ADGRB3: variants seen among roughly 807,000 people sequenced by gnomAD.
ADGRB3 encodes brain-specific angiogenesis inhibitor 3.
ADGRB3 carries 37 observed loss-of-function variants against 193.4 expected under a neutral mutation model. That is an observed-to-expected ratio of 0.19 (90% CI 0.15 to 0.25). The LOEUF is 0.25. Ranked by LOEUF, ADGRB3 falls within the 10% of genes least tolerant of loss-of-function variation. ADGRB3 has a pLI of 1.00. For synonymous variants in ADGRB3, 690 were observed against 644.2 expected (o/e 1.07, Z -1.08); for missense variants, 1,637 against 1,852.9 (o/e 0.88, Z 2.14).
At chr6:69,199,127 TG>T (rs1264794688) in intron 17 of ADGRB3, among the ~76,000 whole-genome samples, 1 of 152,022 alleles carries the variant, frequency 6.6e-6, no homozygotes, top group African/African-American at 2.4e-5. Flanking sequence ...ATCTCTAGAG[TG>T]GATAAACTTA....
At chr6:68,817,881 T>G (rs1192579094) in intron 3 of ADGRB3, among the ~76,000 whole-genome samples, 1 of 152,158 alleles carries the variant, frequency 6.6e-6, no homozygotes, top group African/African-American at 2.4e-5. Context: ...AGCTTCTTGC[T>G]CATTTCTGTA....
At chr6:68,887,311 T>G (rs1264285540) in intron 3 of ADGRB3, among the ~76,000 whole-genome samples, 2 of 152,062 alleles carry the variant, frequency 1.3e-5, no homozygotes, top group African/African-American at 4.8e-5. Flanking sequence ...ATCCTTGCAG[T>G]CTATTAGCTA....
At chr6:68,915,716 G>A (rs1164503704) in intron 3 of ADGRB3, among the ~76,000 whole-genome samples, 1 of 152,110 alleles carries the variant, frequency 6.6e-6, no homozygotes, top group African/African-American at 2.4e-5. Context: ...CAGTGGCCTG[G>A]GAAACAGTGA....
At chr6:68,751,522 AATT>A (rs1041880665) in intron 3 of ADGRB3, among the ~76,000 whole-genome samples, 5 of 152,180 alleles carry the variant, frequency 3.3e-5, no homozygotes, top group African/African-American at 1.2e-4. Flanking sequence ...TCTATTTAAA[AATT>A]ATTATTATGC....
intron 8 of ADGRB3, among the ~76,000 whole-genome samples, chr6:68,958,872 T>A (rs62418278): frequency 0.015 from 441 of 28,902 alleles, 4 homozygotes; most frequent in African/African-American, 0.045. Flanking sequence ...AGAAAAATAG[T>A]GTGTGTGTGT....
intron 17 of ADGRB3, among the ~76,000 whole-genome samples, chr6:69,122,027 G>GAGGCGCTCCTCACTTCCC (rs1773713805): frequency 6.6e-6 from 1 of 151,732 alleles, no homozygotes; most frequent in Admixed American, 6.6e-5. Context: ...CAGCCAGGCA[G>GAGGCGCTCCTCACTTCCC]AGACACTCCC....
chr6:68,813,406 G>T (rs1290303665), intron 3 of ADGRB3, among the ~76,000 whole-genome samples: 2 of 152,108 alleles, frequency 1.3e-5, no homozygotes, highest in Non-Finnish European at 2.9e-5. Flanking sequence ...CATTGGGCTT[G>T]CAAGTGTTAG....
At chr6:68,868,940 T>TGTGTGTGTGA (rs1562064102) in intron 3 of ADGRB3, among the ~76,000 whole-genome samples, 1 of 150,414 alleles carries the variant, frequency 6.6e-6, no homozygotes, top group Non-Finnish European at 1.5e-5. Flanking sequence ...TGTGTGTGTG[T>TGTGTGTGTGA]GAGTGTGTGT....
At position 68,975,308 on chromosome 6, in the gene ADGRB3, A is replaced by G. The variant is rs558638503; in HGVS notation, c.1702A>G (p.Ile568Val). 1.3e-5 allele frequency: 21 copies of G among 1,614,022 alleles called. No individual in the cohort carries two copies. The Middle Eastern group carries it at 5.0e-4, about 38-fold the overall frequency. The change falls in exon 10 of 32, where the codon ATA (isoleucine) becomes GTA (valine). Residue 568 changes from isoleucine (I) to valine (V), a missense_variant. Transcript: ENST00000370598. The stretch of plus-strand genomic sequence containing the variant: ...GGAACAGCCGAGCTTTGCAAGATGC[A>G]TATCAAATGAGTACAGACACTTGCA... Reference protein sequence around the residue: ...FWEQPSFARCISNEYRHLQHS... With the variant: ...FWEQPSFARCVSNEYRHLQHS...
chr6:68,997,507 A>AAAAAAAC, intron 11 of ADGRB3, among the ~76,000 whole-genome samples: 1 of 150,506 alleles, frequency 6.6e-6, no homozygotes, highest in Admixed American at 6.6e-5. Flanking sequence ...AAAAAAAAAA[A>AAAAAAAC]AAGCAGTGCA....
chr6:68,725,507 C>T (rs1455950408), intron 3 of ADGRB3, among the ~76,000 whole-genome samples: 2 of 151,634 alleles, frequency 1.3e-5, no homozygotes, highest in African/African-American at 4.8e-5. Flanking sequence ...ATTTCCACCA[C>T]AAATCAAAAG....
intron 3 of ADGRB3, among the ~76,000 whole-genome samples, chr6:68,700,870 A>C (rs988314751): frequency 6.6e-6 from 1 of 151,596 alleles, no homozygotes; most frequent in Non-Finnish European, 1.5e-5. Flanking sequence ...TACCTAATGT[A>C]AATGATGAGT....
At chr6:69,318,323 G>A (rs1233497980) in intron 20 of ADGRB3, among the ~76,000 whole-genome samples, 3 of 151,078 alleles carry the variant, frequency 2.0e-5, no homozygotes, top group East Asian at 3.9e-4. Context: ...ATGCTTTCAC[G>A]TTTATTAATG....
intron 3 of ADGRB3, among the ~76,000 whole-genome samples, chr6:68,701,113 A>G (rs1026010704): frequency 2.0e-5 from 3 of 152,128 alleles, no homozygotes; most frequent in Admixed American, 1.3e-4. Flanking sequence ...TTAATTTTAA[A>G]TTATAAAAAG....
chr6:69,263,113 A>G (rs552423238), intron 20 of ADGRB3, among the ~76,000 whole-genome samples: 1 of 151,968 alleles, frequency 6.6e-6, no homozygotes, highest in Non-Finnish European at 1.5e-5. Flanking sequence ...CTCTCAAGAG[A>G]TATTAAAGGA....
At chr6:68,672,873 T>A (rs1377651408) in intron 3 of ADGRB3, among the ~76,000 whole-genome samples, 1 of 152,100 alleles carries the variant, frequency 6.6e-6, no homozygotes, top group Non-Finnish European at 1.5e-5. Flanking sequence ...GACTAAGGTC[T>A]CCTCGCAAAA....
chr6:69,064,099 A>C (rs1771829075), intron 16 of ADGRB3, among the ~76,000 whole-genome samples: 2 of 151,958 alleles, frequency 1.3e-5, no homozygotes, highest in African/African-American at 4.8e-5. Context: ...TGTATTTTCT[A>C]CTATTGTGTA....
At position 69,312,864 on chromosome 6, in the gene ADGRB3, T is replaced by A. The variant is rs146966497; in HGVS notation, c.2815-12008T>A. ...TTATTCTTTTGAGAACTTTAGGAAC[T>A]GCCTAAGTCTAGATAAATTACTGTA... is the stretch of plus-strand genomic sequence containing the variant. On this transcript the variant is annotated intron_variant, in intron 20 of 31. Transcript: ENST00000370598. Among the ~76,000 whole-genome samples, 656 of 151,924 alleles carry A rather than the reference T, an allele frequency of 4.3e-3. 4 individuals are homozygous for A. The highest frequency in any genetic ancestry group is 6.8e-3 in the Middle Eastern group (2 of 292).
At chr6:69,102,206 C>G (rs941988661) in intron 17 of ADGRB3, among the ~76,000 whole-genome samples, 4 of 149,414 alleles carry the variant, frequency 2.7e-5, no homozygotes, top group African/African-American at 4.9e-5. Context: ...GACTCTCCAT[C>G]TTAAAAACAT....
Sources: gnomAD v4.1 joint callset for allele counts (sites outside exome capture counted in the v4.1 genomes callset) on GRCh38, gnomAD v4.1.1 for gene constraint, MANE v1.5 for transcripts, NCBI Gene and HGNC (gene_info 2026-07-23, HGNC 2026-07-21) for gene names.